AKAP6: variants seen among roughly 807,000 people sequenced by gnomAD.
AKAP6 encodes A-kinase anchor protein 6.
Under a neutral mutation model 188.5 loss-of-function variants are expected in AKAP6, and 58 were observed. The observed-to-expected ratio is 0.31, with a 90% CI of 0.25 to 0.38. The LOEUF (loss-of-function observed/expected upper bound fraction) is 0.38. Ranked by LOEUF, AKAP6 falls within the 10% of genes least tolerant of loss-of-function variation. The pLI, the probability that AKAP6 is intolerant of heterozygous loss-of-function variation, is 1.00. For synonymous variants in AKAP6, 989 were observed against 998.6 expected (o/e 0.99, Z 0.18); for missense variants, 2,710 against 2,740.0 (o/e 0.99, Z 0.24).
intron 9 of AKAP6, among the ~76,000 whole-genome samples, chr14:32,723,072 C>T (rs999115373): frequency 6.6e-6 from 1 of 152,180 alleles, no homozygotes; most frequent in Non-Finnish European, 1.5e-5. Context: ...CGCTCACCTG[C>T]GGGCTCCCCC....
rs926410932 is a variant in AKAP6, at chr14:32,836,286, G to T, written c.*6481G>T. 6.6e-6 allele frequency: 1 copy of T among 152,148 alleles called. No homozygotes were observed. Among genetic ancestry groups the T allele is most frequent in the Non-Finnish European group, 1.5e-5 (1 of 68,136 alleles). 9.4% of individuals were successfully genotyped at this position (152,148 alleles called of 1,614,324 possible). On this transcript the variant is annotated 3_prime_UTR_variant, in exon 14 of 14. Transcript: ENST00000280979. ...CTAGCAGATTCAGTGTCTGAGGAGG[G>T]CTCACTTTCTGTTTCATTGATGCAC...
At chr14:32,707,607 A>G (rs1890862940) in intron 9 of AKAP6, among the ~76,000 whole-genome samples, 1 of 152,076 alleles carries the variant, frequency 6.6e-6, no homozygotes, top group Non-Finnish European at 1.5e-5. Flanking sequence ...TTATTAATGT[A>G]TCTCCAGTGC....
In AKAP6 at chr14:32,547,139, AAG is replaced by A. The variant is rs1883235714; in HGVS notation, c.2346+141_2346+142del. On this transcript the variant is annotated intron_variant, in intron 4 of 13. Transcript: ENST00000280979. ...TGATTCTCCAAAGAAAGAAAAGAAA[AAG>A]CACAATGATCAATGCATGTGACAAA... 5.6e-6 allele frequency: 5 copies of A among 897,404 alleles called. No individual in the cohort carries two copies. In the African/African-American group the frequency reaches 8.4e-5, roughly 15 times the overall value. The allele number at this position is 897,404 out of a possible 1,614,324, so 55.6% of individuals were successfully genotyped here.
chr14:32,535,469 G>A, intron 2 of AKAP6, 85 bp from the exon 3 acceptor site: 1 of 1,471,254 alleles, frequency 6.8e-7, no homozygotes, highest in Non-Finnish European at 9.3e-7. Flanking sequence ...TTGGTGTTAG[G>A]TAAGAGTGTA....
At chr14:32,776,411 T>C (rs1004694891) in intron 12 of AKAP6, among the ~76,000 whole-genome samples, 2 of 152,182 alleles carry the variant, frequency 1.3e-5, no homozygotes, top group East Asian at 1.9e-4. Flanking sequence ...ATGTAAGATG[T>C]GCCTTTTGCC....
intron 2 of AKAP6, among the ~76,000 whole-genome samples, chr14:32,472,655 G>C (rs2138865759): frequency 6.6e-6 from 1 of 152,282 alleles, no homozygotes. Context: ...TGCACCAACT[G>C]TCTCCTGCAG....
rs568563750 is a variant in AKAP6, at chr14:32,837,315, C to A, written c.*7510C>A. On this transcript the variant is annotated 3_prime_UTR_variant, in exon 14 of 14. Transcript: ENST00000280979. ...TTTGTCCTTACTTAAACCTAACCTG[C>A]CATTTTAAAAGACACCTAACTCTAT... is the stretch of plus-strand genomic sequence containing the variant. The A allele has an allele frequency of 7.9e-5, 12 of 152,272 alleles. No homozygotes were observed. Among genetic ancestry groups the A allele is most frequent in the African/African-American group, 2.9e-4 (12 of 41,550 alleles). 9.4% of individuals were successfully genotyped at this position (152,272 alleles called of 1,614,324 possible). A position where few individuals can be genotyped will look rare whatever the true frequency, so the allele number is the denominator to read the frequency against.
intron 1 of AKAP6, among the ~76,000 whole-genome samples, chr14:32,365,474 T>C (rs376514684): frequency 1.8e-4 from 27 of 152,274 alleles, no homozygotes; most frequent in African/African-American, 6.5e-4. Flanking sequence ...ATATAATGTG[T>C]GCTTTGGGTG....
chr14:32,705,227 T>C (rs1890764161), intron 9 of AKAP6, among the ~76,000 whole-genome samples: 1 of 152,222 alleles, frequency 6.6e-6, no homozygotes, highest in Non-Finnish European at 1.5e-5. Flanking sequence ...TAAGATTCAT[T>C]TCTTTGGGGT....
chr14:32,608,666 C>CT (rs1165261010), intron 7 of AKAP6, among the ~76,000 whole-genome samples: 4 of 152,076 alleles, frequency 2.6e-5, no homozygotes, highest in Non-Finnish European at 5.9e-5. Context: ...AGGTAGCTTA[C>CT]TTTTTTCCTA....
chr14:32,595,320 G>A (rs1594770544), intron 5 of AKAP6, among the ~76,000 whole-genome samples: 3 of 151,866 alleles, frequency 2.0e-5, no homozygotes, highest in African/African-American at 7.3e-5. Flanking sequence ...CTTGCACCCT[G>A]CCCCAGCCAC....
chr14:32,608,397 G>A (rs1246634409), intron 7 of AKAP6, among the ~76,000 whole-genome samples: 3 of 151,854 alleles, frequency 2.0e-5, no homozygotes, highest in Non-Finnish European at 4.4e-5. Context: ...CTACTTAGGA[G>A]GCTGAGGCAG....
chr14:32,353,434 G>A (rs1050432655), intron 1 of AKAP6, among the ~76,000 whole-genome samples: 14 of 152,170 alleles, frequency 9.2e-5, no homozygotes, highest in African/African-American at 2.6e-4. Context: ...GGTGGCGGGC[G>A]CCTGTAGTCC....
chr14:32,503,142 T>C (rs1880689489), intron 2 of AKAP6, among the ~76,000 whole-genome samples: 1 of 152,146 alleles, frequency 6.6e-6, no homozygotes, highest in African/African-American at 2.4e-5. Context: ...GAAAATGATA[T>C]TTTAGTGTAG....
intron 12 of AKAP6, among the ~76,000 whole-genome samples, chr14:32,807,060 AG>A (rs1263452903): frequency 1.1e-5 from 1 of 88,086 alleles, no homozygotes; most frequent in Non-Finnish European, 2.4e-5. Context: ...TCTCAAAGAA[AG>A]GGGGGGAAAT....
chr14:32,558,811 G>A (rs1195441592), intron 4 of AKAP6, among the ~76,000 whole-genome samples: 1 of 152,122 alleles, frequency 6.6e-6, no homozygotes, highest in East Asian at 1.9e-4. Context: ...ACAAGAAGGG[G>A]AAAATGGAGG....
chr14:32,796,484 T>C (rs1393590014), intron 12 of AKAP6, among the ~76,000 whole-genome samples: 1 of 152,258 alleles, frequency 6.6e-6, no homozygotes. Context: ...ACTTCACACC[T>C]ACAACCATCT....
intron 12 of AKAP6, among the ~76,000 whole-genome samples, chr14:32,813,394 C>CCCA (rs1555365141): frequency 1.2e-4 from 14 of 118,004 alleles, no homozygotes; most frequent in Non-Finnish European, 1.9e-4. Context: ...ACCCTACCCC[C>CCCA]CCCCCCAACC....
intron 7 of AKAP6, among the ~76,000 whole-genome samples, chr14:32,602,972 T>G (rs1885991176): frequency 6.6e-6 from 1 of 152,062 alleles, no homozygotes; most frequent in African/African-American, 2.4e-5. Context: ...AAGCTTGTGG[T>G]GAAGTGTGAG....
Sources: allele counts gnomAD v4.1 joint callset (sites outside exome capture counted in the v4.1 genomes callset), GRCh38; gene constraint gnomAD v4.1.1; transcripts MANE v1.5; gene names NCBI Gene and HGNC (gene_info 2026-07-23, HGNC 2026-07-21).